LNPK: variants seen among roughly 807,000 people sequenced by gnomAD.
The protein encoded by LNPK is lunapark, ER junction formation factor.
Under a neutral mutation model 55.2 loss-of-function variants are expected in LNPK, and 29 were observed. That is an observed-to-expected ratio of 0.53 (90% CI 0.39 to 0.72). LNPK has a LOEUF of 0.72. Ranked by LOEUF, LNPK falls within the 30% of genes least tolerant of loss-of-function variation. The probability of loss-of-function intolerance (pLI) is 0.00; values close to 1 mark genes in which losing one functional copy is unlikely to be tolerated. For missense variants in LNPK, 467 were observed against 494.8 expected, an observed-to-expected ratio of 0.94 and a Z score of 0.53; for synonymous variants, 162 against 168.2, an observed-to-expected ratio of 0.96 and a Z score of 0.29.
In LNPK at chr2:175,929,970, C is replaced by A. The variant is rs766903432; in HGVS notation, c.1284G>T (p.Glu428Asp). ...TGAAGGCACGTGGAAGCATTTACTA[C>A]TCTGCCGTCAAAGATTCTCCACTTA... ...PELSGESLTA[E>D] Residue 428 changes from glutamate to aspartate, a missense_variant, in exon 13 of 13, where the codon GAG becomes GAT. Transcript: ENST00000272748. The A allele has an allele frequency of 2.5e-6, 4 of 1,613,924 alleles. No homozygotes were observed. In the South Asian group the frequency reaches 3.3e-5, roughly 13 times the overall value.
intron 8 of LNPK, among the ~76,000 whole-genome samples, chr2:175,954,114 T>A (rs1015553111): frequency 4.6e-5 from 7 of 152,218 alleles, no homozygotes; most frequent in Non-Finnish European, 8.8e-5. Flanking sequence ...AATTTGTGCC[T>A]ATCTTCATTT....
At chr2:175,971,672 C>T (rs1015582873) in intron 5 of LNPK, among the ~76,000 whole-genome samples, 4 of 152,046 alleles carry the variant, frequency 2.6e-5, no homozygotes, top group African/African-American at 9.7e-5. Context: ...CAAGGAAACA[C>T]AAACATATAA....
chr2:175,981,041 C>T (rs1264579431), intron 4 of LNPK, among the ~76,000 whole-genome samples: 2 of 152,042 alleles, frequency 1.3e-5, no homozygotes, highest in African/African-American at 4.8e-5. Flanking sequence ...ATTAGTTCTT[C>T]ACTCTGAAAT....
rs952452477 is a variant in LNPK at position 175,999,890 on chromosome 2, C to A, written c.-63+2270G>T. Among the ~76,000 whole-genome samples, 4 of 152,132 alleles carry A rather than the reference C, an allele frequency of 2.6e-5. No individual in the cohort carries two copies. In the East Asian group the frequency reaches 7.7e-4, roughly 29 times the overall value. On this transcript the variant is annotated intron_variant, in intron 1 of 12. Coordinates refer to ENST00000272748, the MANE Select transcript of LNPK (RefSeq NM_030650.3). ...AAGTGATTCTCCTGCCTCAGCCTCC[C>A]ATGTAGCTGGGATTACAGGTGTATG...
In LNPK at chr2:175,929,860, C is replaced by A. The variant is rs978998534; in HGVS notation, c.*107G>T. The A allele has an allele frequency of 6.7e-6, 10 of 1,502,694 alleles. No homozygotes were observed. The highest frequency in any genetic ancestry group is 1.4e-5 in the African/African-American group (1 of 71,234). 93.1% of individuals were successfully genotyped at this position (1,502,694 alleles called of 1,614,324 possible). A position where few individuals can be genotyped will look rare whatever the true frequency, so the allele number is the denominator to read the frequency against. ...CTAGGCAATCTGAATTCAAATGATA[C>A]ACAAGCATACCCTTAGAGGGGCAAA... On this transcript the variant is annotated 3_prime_UTR_variant, in exon 13 of 13. Coordinates refer to ENST00000272748, the MANE Select transcript of LNPK (RefSeq NM_030650.3).
intron 8 of LNPK, among the ~76,000 whole-genome samples, chr2:175,960,809 C>T (rs758100569): frequency 2.6e-5 from 4 of 152,082 alleles, no homozygotes; most frequent in African/African-American, 4.8e-5. Context: ...AGATAGACCA[C>T]TAGCAAGACT....
intron 8 of LNPK, among the ~76,000 whole-genome samples, chr2:175,951,697 T>C (rs759156199): frequency 2.6e-5 from 4 of 150,964 alleles, no homozygotes; most frequent in Middle Eastern, 3.4e-3. Flanking sequence ...TATAAACATG[T>C]ATGTGCAAGT....
At chr2:175,979,644 C>A (rs1035496215) in intron 5 of LNPK, among the ~76,000 whole-genome samples, 166 bp downstream of exon 5, 11 of 149,936 alleles carry the variant, frequency 7.3e-5, no homozygotes, top group Admixed American at 2.7e-4. Context: ...AAATTAAAAA[C>A]AGAACCATCT....
rs1215581625 is a variant in LNPK, at chr2:175,926,307, C to T, written c.*3660G>A. 1.3e-5 allele frequency: 2 copies of T among 152,154 alleles called. No individual in the cohort carries two copies. Among genetic ancestry groups the T allele is most frequent in the Non-Finnish European group, 2.9e-5 (2 of 68,056 alleles). The allele number at this position is 152,154 out of a possible 1,614,324, so 9.4% of individuals were successfully genotyped here. A position where few individuals can be genotyped will look rare whatever the true frequency, so the allele number is the denominator to read the frequency against. ...AGATGTTTAGGTCATGAGGGTGAAG[C>T]CCTCATGAATGGATTAATGCTCATT... is the stretch of plus-strand genomic sequence containing the variant. On this transcript the variant is annotated 3_prime_UTR_variant, in exon 13 of 13. Transcript: ENST00000272748.
Position 175,992,424 on chromosome 2 carries a change from AAG to A in LNPK, c.70-8_70-7del. ...TCTTCCAATGCTTGAATTTCCTGTT[AAG>A]AGAAAATTATTCCATGTTAGTAAAT... On this transcript the variant is annotated splice_polypyrimidine_tract_variant and splice_region_variant and intron_variant, in intron 3 of 12. Transcript: ENST00000272748. 1 of 1,471,048 alleles carries A rather than the reference AAG, an allele frequency of 6.8e-7. No individual in the cohort carries two copies. The highest frequency in any genetic ancestry group is 9.1e-7 in the Non-Finnish European group (1 of 1,102,780). The allele number at this position is 1,471,048 out of a possible 1,614,324, so 91.1% of individuals were successfully genotyped here.
intron 8 of LNPK, among the ~76,000 whole-genome samples, chr2:175,955,859 A>G (rs1685666678): frequency 6.6e-6 from 1 of 152,242 alleles, no homozygotes; most frequent in African/African-American, 2.4e-5. Flanking sequence ...TTTTGAATTT[A>G]GCTGTGGCAA....
At chr2:175,994,552 T>C (rs1014482074) in intron 2 of LNPK, among the ~76,000 whole-genome samples, 2 of 152,242 alleles carry the variant, frequency 1.3e-5, no homozygotes, top group African/African-American at 4.8e-5. Flanking sequence ...AGACAGAGTC[T>C]AGCTCTGTCG....
chr2:175,998,420 G>T (rs2105373889), intron 1 of LNPK, among the ~76,000 whole-genome samples: 1 of 143,808 alleles, frequency 7.0e-6, no homozygotes, highest in South Asian at 2.2e-4. Flanking sequence ...TCCAGCCTGG[G>T]TCACAGAGCG....
At chr2:176,002,309 C>T (rs185682826), upstream of LNPK, 1,094 of 432,184 alleles carry the variant, frequency 2.5e-3, 8 homozygotes, top group African/African-American at 0.021. Flanking sequence ...GCGCTCCAGC[C>T]GCTCGCCAAT....
At position 175,928,571 on chromosome 2, in the gene LNPK, A is replaced by G. The variant is rs899966773; in HGVS notation, c.*1396T>C. On this transcript the variant is annotated 3_prime_UTR_variant, in exon 13 of 13. Transcript: ENST00000272748. ...TATTAAATCATAAAAATAGATTTTT[A>G]AATGATAAAAATGTTTTGTTCAGTT... 11 of 151,778 alleles carry G rather than the reference A, an allele frequency of 7.2e-5. No homozygotes were observed. The highest frequency in any genetic ancestry group is 1.0e-4 in the Non-Finnish European group (7 of 67,924). 9.4% of individuals were successfully genotyped at this position (151,778 alleles called of 1,614,324 possible).
intron 12 of LNPK, chr2:175,935,779 G>A (rs1684516074): frequency 3.1e-6 from 3 of 964,500 alleles, no homozygotes; most frequent in Non-Finnish European, 3.7e-6. Context: ...GACGTCTGGG[G>A]TATTGCTCCT....
chr2:175,964,815 T>C (rs535376246), intron 6 of LNPK, among the ~76,000 whole-genome samples: 13 of 152,306 alleles, frequency 8.5e-5, no homozygotes, highest in African/African-American at 2.9e-4. Context: ...TTGCTAATTG[T>C]TTACATATAA....
chr2:175,959,262 T>G (rs774712196), intron 8 of LNPK, among the ~76,000 whole-genome samples: 3 of 152,078 alleles, frequency 2.0e-5, no homozygotes, highest in Non-Finnish European at 4.4e-5. Context: ...AGACACGTAA[T>G]TGTCAGATTC....
chr2:175,973,729 G>T (rs1686764922), intron 5 of LNPK, among the ~76,000 whole-genome samples: 1 of 152,180 alleles, frequency 6.6e-6, no homozygotes, highest in Non-Finnish European at 1.5e-5. Context: ...CTACAATTGA[G>T]CAGTATTGAT....
Sources: allele counts gnomAD v4.1 joint callset (sites outside exome capture counted in the v4.1 genomes callset), GRCh38; gene constraint gnomAD v4.1.1; transcripts MANE v1.5; gene names NCBI Gene and HGNC (gene_info 2026-07-23, HGNC 2026-07-21).